CHL1: variants seen among roughly 807,000 people sequenced by gnomAD.
The protein encoded by CHL1 is neural cell adhesion molecule L1-like protein.
Under a neutral mutation model 141.9 loss-of-function variants are expected in CHL1, and 96 were observed. The ratio of observed to expected loss-of-function variants is 0.68; its 90% CI spans 0.57 to 0.80. The LOEUF (loss-of-function observed/expected upper bound fraction) is 0.80. CHL1 is among the 30% of genes least tolerant of loss of function. The probability of loss-of-function intolerance (pLI) is 0.00; values close to 1 mark genes in which losing one functional copy is unlikely to be tolerated. For missense variants in CHL1, 1,820 were observed against 1,457.2 expected, an observed-to-expected ratio of 1.25 and a Z score of -4.05; for synonymous variants, 613 against 502.2, an observed-to-expected ratio of 1.22 and a Z score of -2.95.
intron 2 of CHL1, among the ~76,000 whole-genome samples, chr3:289,408 A>G (rs559737077): frequency 1.3e-5 from 2 of 150,386 alleles, no homozygotes; most frequent in South Asian, 2.1e-4. Flanking sequence ...TGTAAAAGTA[A>G]TTGTGGTTTT....
In CHL1 at chr3:401,456, A is replaced by G. The variant is rs61110251; in HGVS notation, c.3386-170A>G. On this transcript the variant is annotated intron_variant, in intron 26 of 27. Coordinates refer to ENST00000256509, the MANE Select transcript of CHL1 (RefSeq NM_006614.4). ...ATCCCCTCTCTTTTTTGTTTAAACAAAGAAGCAACTGATGGGCTGTAGGTA... is the reference window on the plus strand; with the variant it reads ...ATCCCCTCTCTTTTTTGTTTAAACAGAGAAGCAACTGATGGGCTGTAGGTA... Among the ~76,000 whole-genome samples, 664 of 152,294 alleles carry G rather than the reference A, an allele frequency of 4.4e-3. 8 individuals are homozygous for G. The highest frequency in any genetic ancestry group is 0.015 in the African/African-American group (626 of 41,552).
At chr3:221,252 C>A (rs1700815375) in intron 1 of CHL1, among the ~76,000 whole-genome samples, 1 of 152,184 alleles carries the variant, frequency 6.6e-6, no homozygotes, top group Admixed American at 6.5e-5. Flanking sequence ...GTGTCATGGG[C>A]CATGGTCACT....
At chr3:303,148 T>G (rs1334195376) in intron 2 of CHL1, among the ~76,000 whole-genome samples, 1 of 152,316 alleles carries the variant, frequency 6.6e-6, no homozygotes, top group East Asian at 1.9e-4. Flanking sequence ...ACTGTAGACT[T>G]GTAGTGTAGT....
rs1032922551 is a variant in CHL1, at chr3:276,913, A to T, written c.-95+32221A>T. Reference sequence around the variant, plus strand: ...CCTAAAAAAAAAAAAAAAAAAAAAAAAAAGAGTATGGGCTCCGGGCCAGAT... The same window carrying T: ...CCTAAAAAAAAAAAAAAAAAAAAAATAAAGAGTATGGGCTCCGGGCCAGAT... On this transcript the variant is annotated intron_variant, in intron 2 of 27. Coordinates refer to ENST00000256509, the MANE Select transcript of CHL1 (RefSeq NM_006614.4). Among the ~76,000 whole-genome samples the T allele has an allele frequency of 2.6e-3, 394 of 150,268 alleles. 4 individuals are homozygous for T. The highest frequency in any genetic ancestry group is 9.2e-3 in the African/African-American group (375 of 40,976).
intron 1 of CHL1, among the ~76,000 whole-genome samples, chr3:211,268 C>A (rs75769213): frequency 1.3e-5 from 2 of 152,132 alleles, no homozygotes; most frequent in Non-Finnish European, 2.9e-5. Context: ...GATGATACAT[C>A]GGGCTGCAGA....
Position 349,560 on chromosome 3 carries a change from G to A in CHL1, c.1033+17G>A, listed in dbSNP as rs1274461514. 1.3e-6 allele frequency: 2 copies of A among 1,599,442 alleles called. No homozygotes were observed. Among genetic ancestry groups the A allele is most frequent in the South Asian group, 2.2e-5 (2 of 89,928 alleles). ...TAGTAGAAGGTACCTTTCCCATGTTGGTCTATTTCTCTGCTTTTCAAAAAA... is the reference window on the plus strand; with the variant it reads ...TAGTAGAAGGTACCTTTCCCATGTTAGTCTATTTCTCTGCTTTTCAAAAAA... On this transcript the variant is annotated intron_variant, in intron 10 of 27. Coordinates refer to ENST00000256509, the MANE Select transcript of CHL1 (RefSeq NM_006614.4).
intron 2 of CHL1, among the ~76,000 whole-genome samples, chr3:311,449 T>G (rs866891563): frequency 6.6e-6 from 1 of 152,082 alleles, no homozygotes; most frequent in Non-Finnish European, 1.5e-5. Context: ...AGGGCTGTTC[T>G]TCCTTGGGCA....
Position 360,434 on chromosome 3 carries a change from C to T in CHL1, c.1306+10C>T, listed in dbSNP as rs200853718. ...AATATTGATGTTGTGGGTGAGTGTG[C>T]CTGGGAGCTGACTTAACATGCTATT... On this transcript the variant is annotated intron_variant, in intron 12 of 27. Coordinates refer to ENST00000256509, the MANE Select transcript of CHL1 (RefSeq NM_006614.4). The T allele has an allele frequency of 1.8e-3, 2,920 of 1,612,026 alleles. 66 individuals carry two copies. The South Asian group carries it at 0.03, about 17-fold the overall frequency.
chr3:201,546 T>A (rs1046320609), intron 1 of CHL1, among the ~76,000 whole-genome samples: 1 of 152,034 alleles, frequency 6.6e-6, no homozygotes, highest in Non-Finnish European at 1.5e-5. Flanking sequence ...CTTATATACA[T>A]AATTTCAATA....
At chr3:239,971 C>T (rs1380877022) in intron 1 of CHL1, among the ~76,000 whole-genome samples, 1 of 152,164 alleles carries the variant, frequency 6.6e-6, no homozygotes, top group Non-Finnish European at 1.5e-5. Context: ...ATATTTACCA[C>T]AATTTCTTTA....
intron 23 of CHL1, among the ~76,000 whole-genome samples, chr3:392,844 G>A (rs1025067116): frequency 6.6e-6 from 1 of 152,154 alleles, no homozygotes; most frequent in Non-Finnish European, 1.5e-5. Context: ...GCACTTTTAC[G>A]TGCTTGCTAA....
rs573830115 is a variant in CHL1, at chr3:369,354, T to C, written c.1751+3239T>C. Among the ~76,000 whole-genome samples the C allele has an allele frequency of 7.2e-5, 11 of 152,306 alleles. No individual in the cohort carries two copies. The East Asian group carries it at 1.9e-3, about 27-fold the overall frequency. ...GTATTCCTAGGTATTTGATTCTCTT[T>C]GTAGCAATTGTGAATGGGAGTTCAT... On this transcript the variant is annotated intron_variant, in intron 15 of 27. Transcript: ENST00000256509.
At chr3:360,065 G>C (rs1704085615) in intron 11 of CHL1, among the ~76,000 whole-genome samples, 1 of 152,124 alleles carries the variant, frequency 6.6e-6, no homozygotes, top group Non-Finnish European at 1.5e-5. Flanking sequence ...ATATTTTGTT[G>C]CTAAATATTA....
intron 2 of CHL1, among the ~76,000 whole-genome samples, chr3:275,835 A>G (rs2125266844): frequency 6.6e-6 from 1 of 152,308 alleles, no homozygotes; most frequent in East Asian, 1.9e-4. Context: ...TACATAAAAA[A>G]ACTAGTATAA....
chr3:390,686 T>G lies in CHL1; in HGVS notation c.2471-15T>G. ...GCAGGTTATTGAAAACTAATCAATC[T>G]TCTATGATTAACAGATCCTGATACA... On this transcript the variant is annotated splice_polypyrimidine_tract_variant and intron_variant, in intron 20 of 27. Coordinates refer to ENST00000256509, the MANE Select transcript of CHL1 (RefSeq NM_006614.4). The G allele has an allele frequency of 3.6e-6, 5 of 1,407,996 alleles. No individual in the cohort carries two copies. The highest frequency in any genetic ancestry group is 5.0e-6 in the Non-Finnish European group (5 of 995,708). 87.2% of individuals were successfully genotyped at this position (1,407,996 alleles called of 1,614,324 possible).
intron 19 of CHL1, among the ~76,000 whole-genome samples, chr3:387,572 T>C (rs1258108710): frequency 6.6e-6 from 1 of 152,220 alleles, no homozygotes; most frequent in Non-Finnish European, 1.5e-5. Flanking sequence ...AGAACTTTAT[T>C]AAATTTAACT....
At chr3:341,378 A>C (rs13086886) in intron 6 of CHL1, among the ~76,000 whole-genome samples, 1 of 152,082 alleles carries the variant, frequency 6.6e-6, no homozygotes, top group African/African-American at 2.4e-5. Context: ...TTTGCACAGC[A>C]CTCAGAAGAA....
Position 406,576 on chromosome 3 carries a change from T to G in CHL1, c.*865T>G, listed in dbSNP as rs548450248. The G allele has an allele frequency of 1.3e-5, 2 of 152,246 alleles. No homozygotes were observed. Among genetic ancestry groups the G allele is most frequent in the African/African-American group, 4.8e-5 (2 of 41,550 alleles). 9.4% of individuals were successfully genotyped at this position (152,246 alleles called of 1,614,324 possible). A position where few individuals can be genotyped will look rare whatever the true frequency, so the allele number is the denominator to read the frequency against. ...CCTTTTTCTCATGTTTATATAATGG[T>G]ATGCTTGCATATATTTCATGAATAC... On this transcript the variant is annotated 3_prime_UTR_variant, in exon 28 of 28. Coordinates refer to ENST00000256509, the MANE Select transcript of CHL1 (RefSeq NM_006614.4).
At chr3:338,071 A>G (rs535887874) in intron 5 of CHL1, among the ~76,000 whole-genome samples, 38 of 152,180 alleles carry the variant, frequency 2.5e-4, no homozygotes, top group Middle Eastern at 3.4e-3. Context: ...TCACCATGTT[A>G]GCCAGGATGG....
Sources: gnomAD v4.1 joint callset for allele counts (sites outside exome capture counted in the v4.1 genomes callset) on GRCh38, gnomAD v4.1.1 for gene constraint, MANE v1.5 for transcripts, NCBI Gene and HGNC (gene_info 2026-07-23, HGNC 2026-07-21) for gene names.